Variants in ZDHHC15 observed in about 807,000 individuals in gnomAD.
ZDHHC15 encodes zDHHC palmitoyltransferase 15.
Under a neutral mutation model 31.7 loss-of-function variants are expected in ZDHHC15, and 19 were observed. The ratio of observed to expected loss-of-function variants is 0.60; its 90% CI spans 0.42 to 0.88. The LOEUF is 0.88. Among genes scored for constraint, ZDHHC15 ranks in the 40% least tolerant of loss-of-function variants. ZDHHC15 has a pLI of 0.00. For synonymous variants in ZDHHC15, 103 were observed against 90.0 expected (o/e 1.14, Z -0.82); for missense variants, 209 against 251.2 (o/e 0.83, Z 1.14).
chrX:75,510,234 G>A (rs1483941126), intron 1 of ZDHHC15, among the ~76,000 whole-genome samples: 1 of 111,665 alleles, frequency 9.0e-6, no homozygotes, highest in Non-Finnish European at 1.9e-5. Context: ...AACTTTGGAT[G>A]GAGGTGCAGA....
At chrX:75,435,206 T>G (rs185879582) in intron 4 of ZDHHC15, among the ~76,000 whole-genome samples, 85 of 112,120 alleles carry the variant, frequency 7.6e-4, no homozygotes, top group Non-Finnish European at 1.2e-3. Context: ...CGTGAAATTT[T>G]ATTGAATTCA....
intron 10 of ZDHHC15, among the ~76,000 whole-genome samples, chrX:75,411,645 C>T (rs2083487111): frequency 8.9e-6 from 1 of 112,247 alleles, no homozygotes; most frequent in Admixed American, 9.4e-5. Flanking sequence ...AAAAATATCA[C>T]ATGTACCCCT....
At chrX:75,387,155 C>T (rs1224239622) in intron 10 of ZDHHC15, among the ~76,000 whole-genome samples, 1 of 111,375 alleles carries the variant, frequency 9.0e-6, no homozygotes, top group East Asian at 2.8e-4. Flanking sequence ...AACTGAAATC[C>T]AACAGGCAAA....
chrX:75,400,936 A>G (rs1056070148), intron 10 of ZDHHC15, among the ~76,000 whole-genome samples: 2 of 112,140 alleles, frequency 1.8e-5, no homozygotes, highest in Non-Finnish European at 3.8e-5. Flanking sequence ...ATGTTGAAGT[A>G]CTTCACGACC....
rs745960509 is a variant in ZDHHC15 at position 75,424,766 on chromosome X, G to A, written c.622C>T (p.Arg208Cys). The change falls in exon 8 of 12, where the codon CGC becomes TGC. Residue 208 changes from arginine (R) to cysteine (C), a missense_variant. Physicochemically the swap from Arg to Cys is radical, Grantham distance 180. Coordinates refer to ENST00000373367, the MANE Select transcript of ZDHHC15 (RefSeq NM_144969.3). ...KYWRGELPSV[R>C]SKFHVLFLLF... Reference sequence around the variant, plus strand: ...AGAAAAAGGACATGGAACTTAGAGCGAACACTGGGTAATTCCCCCTAGAAA... The same window carrying A: ...AGAAAAAGGACATGGAACTTAGAGCAAACACTGGGTAATTCCCCCTAGAAA... 12 of 1,196,547 alleles carry A rather than the reference G, an allele frequency of 1.0e-5. No individual in the cohort carries two copies. The highest frequency in any genetic ancestry group is 1.9e-5 in the South Asian group (1 of 53,577).
chrX:75,491,136 A>G (rs1484239215), intron 2 of ZDHHC15, among the ~76,000 whole-genome samples: 13 of 111,392 alleles, frequency 1.2e-4, no homozygotes, highest in African/African-American at 4.2e-4. Context: ...GTATATACCC[A>G]AAGGATTATA....
At chrX:75,423,963 A>G (rs781154253) in intron 8 of ZDHHC15, among the ~76,000 whole-genome samples, 27 of 111,508 alleles carry the variant, frequency 2.4e-4, no homozygotes, top group East Asian at 8.4e-4. Context: ...TTTGTACACA[A>G]TGTAAATACT....
At chrX:75,403,866 T>C (rs1191243957) in intron 10 of ZDHHC15, among the ~76,000 whole-genome samples, 1 of 111,667 alleles carries the variant, frequency 9.0e-6, no homozygotes, top group Non-Finnish European at 1.9e-5. Context: ...TTCACTTAAC[T>C]AGACAAATGT....
intron 1 of ZDHHC15, among the ~76,000 whole-genome samples, chrX:75,517,463 C>T (rs2085375263): frequency 9.2e-6 from 1 of 108,131 alleles, no homozygotes; most frequent in Non-Finnish European, 1.9e-5. Context: ...TGGAAACCAT[C>T]ATTCTCAGCA....
At chrX:75,506,581 C>A (rs1004169069) in intron 1 of ZDHHC15, among the ~76,000 whole-genome samples, 10 of 111,505 alleles carry the variant, frequency 9.0e-5, no homozygotes, top group Non-Finnish European at 1.5e-4. Context: ...AAGATTGATA[C>A]CAACTCCTTG....
chrX:75,388,020 G>A (rs1327527334), intron 10 of ZDHHC15, among the ~76,000 whole-genome samples: 1 of 112,108 alleles, frequency 8.9e-6, no homozygotes, highest in Non-Finnish European at 1.9e-5. Context: ...CCAGGAGGGA[G>A]TAGGATGACA....
At chrX:75,500,712 A>C (rs761396872) in intron 2 of ZDHHC15, among the ~76,000 whole-genome samples, 227 of 109,432 alleles carry the variant, frequency 2.1e-3, no homozygotes, top group South Asian at 9.6e-3. Flanking sequence ...CTTTTATCTG[A>C]TCTCTAAACC....
At chrX:75,459,819 A>G (rs776871659) in intron 3 of ZDHHC15, among the ~76,000 whole-genome samples, 75 of 112,735 alleles carry the variant, frequency 6.7e-4, no homozygotes, top group African/African-American at 2.4e-3. Context: ...CGCTAAATAT[A>G]TACAACACAA....
At chrX:75,436,126 C>T (rs2083848343) in intron 4 of ZDHHC15, among the ~76,000 whole-genome samples, 2 of 110,833 alleles carry the variant, frequency 1.8e-5, no homozygotes, top group Admixed American at 1.9e-4. Flanking sequence ...TAGTTTGTGC[C>T]CACGAATGTG....
intron 10 of ZDHHC15, among the ~76,000 whole-genome samples, chrX:75,412,619 G>C (rs1052520314): frequency 9.0e-6 from 1 of 110,853 alleles, no homozygotes; most frequent in African/African-American, 3.3e-5. Context: ...TTTTAGTAGA[G>C]ATGGGGTTTC....
intron 1 of ZDHHC15, among the ~76,000 whole-genome samples, chrX:75,521,607 C>T (rs1340591356): frequency 9.1e-6 from 1 of 110,332 alleles, no homozygotes; most frequent in African/African-American, 3.3e-5. Context: ...TAGAGTGCTC[C>T]TTAGTGTGAC....
At chrX:75,444,640 GTATATATATATATA>G (rs760429265) in intron 4 of ZDHHC15, among the ~76,000 whole-genome samples, 673 of 22,721 alleles carry the variant, frequency 0.03, 21 homozygotes, top group Non-Finnish European at 0.037. Flanking sequence ...AAGCAACACT[GTATATATATATATA>G]TATATATATA....
intron 7 of ZDHHC15, among the ~76,000 whole-genome samples, chrX:75,428,836 C>A (rs1282233064): frequency 9.0e-6 from 1 of 111,625 alleles, no homozygotes. Context: ...AGATTAGGTA[C>A]CCAAAGGCCT....
chrX:75,481,685 C>CAAGTA lies in ZDHHC15; in HGVS notation c.164-2701_164-2700insTACTT, dbSNP rs1306312708. ...TCATTTTACAGAGAAGTAACTGAGG[C>CAAGTA]CCAGAGGGGCAAGTGATTTGATCAG... On this transcript the variant is annotated intron_variant, in intron 2 of 11. Transcript: ENST00000373367. Among the ~76,000 whole-genome samples the CAAGTA allele has an allele frequency of 2.7e-5, 3 of 111,734 alleles. No individual in the cohort carries two copies. In the Admixed American group the frequency reaches 2.8e-4, roughly 11 times the overall value.
Sources: allele counts gnomAD v4.1 joint callset (sites outside exome capture counted in the v4.1 genomes callset), GRCh38; gene constraint gnomAD v4.1.1; transcripts MANE v1.5; gene names NCBI Gene and HGNC (gene_info 2026-07-23, HGNC 2026-07-21).